The following KCNQ5 variants were observed in gnomAD, a reference collection of about 807,000 sequenced individuals.
KCNQ5 encodes potassium voltage-gated channel subfamily Q member 5.
In KCNQ5, 30 loss-of-function variants were observed where a neutral mutation model predicts 98.2. The ratio of observed to expected loss-of-function variants is 0.31; its 90% CI spans 0.23 to 0.41. KCNQ5 has a LOEUF of 0.41. KCNQ5 is among the 10% of genes least tolerant of loss of function. The pLI, the probability that KCNQ5 is intolerant of heterozygous loss-of-function variation, is 1.00. For missense variants in KCNQ5, 835 were observed against 1,182.5 expected (o/e 0.71, Z 4.31); for synonymous variants, 458 against 449.4 (o/e 1.02, Z -0.24).
intron 1 of KCNQ5, among the ~76,000 whole-genome samples, chr6:72,872,056 C>G (rs981784530): frequency 1.3e-5 from 2 of 152,138 alleles, no homozygotes; most frequent in African/African-American, 4.8e-5. Context: ...ATGCATGTTT[C>G]TTGACAGAGT....
intron 1 of KCNQ5, among the ~76,000 whole-genome samples, chr6:72,732,232 T>TGTG (rs1770593288): frequency 1.3e-5 from 2 of 151,576 alleles, no homozygotes. Context: ...GAGTGAGGAG[T>TGTG]GATCTGACAG....
chr6:72,769,987 A>C (rs559875781), intron 1 of KCNQ5, among the ~76,000 whole-genome samples: 2 of 152,248 alleles, frequency 1.3e-5, no homozygotes, highest in African/African-American at 4.8e-5. Flanking sequence ...TGCCTAGAGT[A>C]GATCTGAGTT....
At chr6:73,188,638 A>G (rs1270293934) in intron 11 of KCNQ5, among the ~76,000 whole-genome samples, 1 of 152,196 alleles carries the variant, frequency 6.6e-6, no homozygotes, top group Non-Finnish European at 1.5e-5. Flanking sequence ...ACAATGTCAT[A>G]GTAGAAGTGG....
At chr6:72,903,743 G>T (rs1191714655) in intron 1 of KCNQ5, among the ~76,000 whole-genome samples, 5 of 152,066 alleles carry the variant, frequency 3.3e-5, no homozygotes, top group Admixed American at 6.6e-5. Context: ...CTTGTTTGTG[G>T]CCTATGATAT....
chr6:72,926,159 A>G (rs1418988679), intron 1 of KCNQ5, among the ~76,000 whole-genome samples: 1 of 152,114 alleles, frequency 6.6e-6, no homozygotes. Flanking sequence ...CTTTGCCTTC[A>G]GGGGTCCACC....
chr6:73,122,414 T>G (rs1562191806), intron 8 of KCNQ5, among the ~76,000 whole-genome samples: 1 of 152,210 alleles, frequency 6.6e-6, no homozygotes, highest in Non-Finnish European at 1.5e-5. Flanking sequence ...TTCACATAAG[T>G]TCTTTCTACT....
At chr6:73,169,450 G>A (rs1239470750) in intron 10 of KCNQ5, among the ~76,000 whole-genome samples, 1 of 152,208 alleles carries the variant, frequency 6.6e-6, no homozygotes, top group African/African-American at 2.4e-5. Flanking sequence ...AAGGAACTGG[G>A]CAAAAGAGCA....
At chr6:72,883,297 A>C (rs1184174909) in intron 1 of KCNQ5, among the ~76,000 whole-genome samples, 1 of 152,174 alleles carries the variant, frequency 6.6e-6, no homozygotes, top group Non-Finnish European at 1.5e-5. Context: ...CCTGTTCTCA[A>C]AAGAACAATG....
At chr6:72,831,398 C>T (rs1479139337) in intron 1 of KCNQ5, among the ~76,000 whole-genome samples, 3 of 151,982 alleles carry the variant, frequency 2.0e-5, no homozygotes, top group African/African-American at 7.3e-5. Context: ...ACTATGCAGC[C>T]ATAAAAAAGG....
intron 1 of KCNQ5, among the ~76,000 whole-genome samples, chr6:72,978,966 T>G (rs1768294198): frequency 6.6e-6 from 1 of 152,214 alleles, no homozygotes. Context: ...CTCAGAATGA[T>G]GGTTTCCAGC....
chr6:73,154,470 T>C (rs1229241899), intron 10 of KCNQ5, among the ~76,000 whole-genome samples: 1 of 152,202 alleles, frequency 6.6e-6, no homozygotes, highest in African/African-American at 2.4e-5. Flanking sequence ...TCCATTAGTG[T>C]TACATTGTTC....
intron 1 of KCNQ5, among the ~76,000 whole-genome samples, chr6:72,911,865 A>G (rs773633136): frequency 1.3e-5 from 2 of 152,024 alleles, no homozygotes; most frequent in Non-Finnish European, 1.5e-5. Context: ...TTCTTCTTTA[A>G]AGATATTGTA....
rs142453260 is a variant in KCNQ5, at chr6:73,040,439, A to T, written c.490-1497A>T. Among the ~76,000 whole-genome samples the T allele has an allele frequency of 3.3e-5, 5 of 152,328 alleles. No individual in the cohort carries two copies. In the East Asian group the frequency reaches 7.7e-4, roughly 23 times the overall value. ...GAGTATGTTTTCCATATTTGGAAAG[A>T]TGTGCTGGATTAACAAGAAATGATC... is the stretch of plus-strand genomic sequence containing the variant. On this transcript the variant is annotated intron_variant, in intron 2 of 13. Transcript: ENST00000370398.
chr6:73,178,751 G>C (rs1245514554), intron 11 of KCNQ5, among the ~76,000 whole-genome samples: 2 of 152,154 alleles, frequency 1.3e-5, no homozygotes, highest in Admixed American at 6.5e-5. Flanking sequence ...AAGAAGAGTA[G>C]AGGAATCTTA....
chr6:72,864,652 C>T (rs1777905985), intron 1 of KCNQ5, among the ~76,000 whole-genome samples: 1 of 152,004 alleles, frequency 6.6e-6, no homozygotes, highest in African/African-American at 2.4e-5. Context: ...TCAATAATAA[C>T]ATCACTACAT....
intron 1 of KCNQ5, among the ~76,000 whole-genome samples, chr6:72,949,920 CT>C (rs35176484): frequency 2.0e-5 from 3 of 151,900 alleles, no homozygotes; most frequent in African/African-American, 4.8e-5. Flanking sequence ...AAGTTCTTCC[CT>C]TTTTTTCAAA....
At chr6:72,936,790 G>A (rs909541895) in intron 1 of KCNQ5, among the ~76,000 whole-genome samples, 9 of 152,182 alleles carry the variant, frequency 5.9e-5, no homozygotes, top group East Asian at 1.9e-4. Context: ...TCTTGCCTCC[G>A]TCTTCCACAT....
intron 1 of KCNQ5, among the ~76,000 whole-genome samples, chr6:72,898,897 G>A (rs545232417): frequency 1.2e-4 from 19 of 152,224 alleles, no homozygotes; most frequent in African/African-American, 4.1e-4. Flanking sequence ...TATCTCATGT[G>A]GTTGTGATCT....
At chr6:72,683,810 AT>A (rs1767824599) in intron 1 of KCNQ5, among the ~76,000 whole-genome samples, 1 of 151,842 alleles carries the variant, frequency 6.6e-6, no homozygotes, top group South Asian at 2.1e-4. Flanking sequence ...CCAAGTTATG[AT>A]GAATAAAGTA....
Sources: gnomAD v4.1 joint callset for allele counts (sites outside exome capture counted in the v4.1 genomes callset) on GRCh38, gnomAD v4.1.1 for gene constraint, MANE v1.5 for transcripts, NCBI Gene and HGNC (gene_info 2026-07-23, HGNC 2026-07-21) for gene names.